ZHX2: variants seen among roughly 807,000 people sequenced by gnomAD.
The protein encoded by ZHX2 is zinc fingers and homeoboxes 2.
ZHX2 carries 6 observed loss-of-function variants against 21.9 expected under a neutral mutation model. The observed-to-expected ratio is 0.27, with a 90% confidence interval of 0.15 to 0.54. ZHX2 has a LOEUF of 0.54. Ranked by LOEUF, ZHX2 falls within the 20% of genes least tolerant of loss-of-function variation. The probability of loss-of-function intolerance (pLI) is 0.95; values close to 1 mark genes in which losing one functional copy is unlikely to be tolerated. For synonymous variants in ZHX2, 434 were observed against 437.1 expected, an observed-to-expected ratio of 0.99 and a Z score of 0.09; for missense variants, 908 against 1,090.7, an observed-to-expected ratio of 0.83 and a Z score of 2.36.
chr8:122,874,440 T>C (rs1000232647), intron 2 of ZHX2, among the ~76,000 whole-genome samples: 9 of 152,118 alleles, frequency 5.9e-5, no homozygotes, highest in Admixed American at 5.9e-4. Context: ...TTCAAGCAAT[T>C]CTCCTGCCTC....
chr8:122,932,842 C>T (rs954677230), intron 2 of ZHX2, among the ~76,000 whole-genome samples: 15 of 152,024 alleles, frequency 9.9e-5, no homozygotes, highest in Admixed American at 8.5e-4. Flanking sequence ...ATTTTTCAGC[C>T]TACCACACCC....
chr8:122,830,254 G>A (rs4871311), intron 1 of ZHX2, among the ~76,000 whole-genome samples: 15,853 of 152,194 alleles, frequency 0.1, 1,094 homozygotes, highest in East Asian at 0.21. Context: ...TAACTGCTAC[G>A]TTGTACCCAG....
At chr8:122,852,881 C>T (rs1029299858) in intron 1 of ZHX2, among the ~76,000 whole-genome samples, 2 of 151,940 alleles carry the variant, frequency 1.3e-5, no homozygotes, top group African/African-American at 4.8e-5. Flanking sequence ...TGCATGTGTC[C>T]CCTCATTCAC....
At chr8:122,931,012 A>G (rs1586397984) in intron 2 of ZHX2, among the ~76,000 whole-genome samples, 5 of 152,030 alleles carry the variant, frequency 3.3e-5, no homozygotes, top group Admixed American at 2.6e-4. Flanking sequence ...CCAGGTCCAG[A>G]TAGGGCACGT....
intron 3 of ZHX2, among the ~76,000 whole-genome samples, chr8:122,968,323 G>C (rs1293229860): frequency 6.6e-6 from 1 of 152,084 alleles, no homozygotes; most frequent in East Asian, 1.9e-4. Context: ...CAACCCTAGA[G>C]GCCCTTCAAA....
At chr8:122,824,071 T>C (rs144945321) in intron 1 of ZHX2, among the ~76,000 whole-genome samples, 21 of 152,326 alleles carry the variant, frequency 1.4e-4, no homozygotes, top group Admixed American at 1.2e-3. Flanking sequence ...GAGCTCAATA[T>C]TTTTTCAGAC....
At chr8:122,888,206 A>C (rs949379044) in intron 2 of ZHX2, among the ~76,000 whole-genome samples, 1 of 152,016 alleles carries the variant, frequency 6.6e-6, no homozygotes, top group African/African-American at 2.4e-5. Flanking sequence ...CAGAGCCTGC[A>C]GAGTTCAGAG....
chr8:122,970,187 A>C (rs1394814696), intron 3 of ZHX2, among the ~76,000 whole-genome samples: 2 of 152,202 alleles, frequency 1.3e-5, no homozygotes, highest in Non-Finnish European at 2.9e-5. Context: ...ACCAGGTAAT[A>C]GGACTCTGAG....
intron 1 of ZHX2, among the ~76,000 whole-genome samples, chr8:122,836,757 C>T (rs1048702071): frequency 3.3e-5 from 5 of 152,230 alleles, no homozygotes; most frequent in African/African-American, 1.2e-4. Flanking sequence ...CCTGCTTCTG[C>T]TATTTTGCTG....
chr8:122,808,679 G>A (rs1563737395), intron 1 of ZHX2: 1 of 152,184 alleles, frequency 6.6e-6, no homozygotes, highest in Admixed American at 6.6e-5. Flanking sequence ...AGCGTTCAAA[G>A]CACAATGGTT....
intron 2 of ZHX2, among the ~76,000 whole-genome samples, chr8:122,927,392 G>A (rs1820884398): frequency 6.6e-6 from 1 of 152,200 alleles, no homozygotes; most frequent in South Asian, 2.1e-4. Flanking sequence ...ATACTTGGGA[G>A]GCCGAGGCAG....
intron 1 of ZHX2, among the ~76,000 whole-genome samples, chr8:122,786,702 A>G (rs1371919007): frequency 6.6e-6 from 1 of 151,960 alleles, no homozygotes; most frequent in African/African-American, 2.4e-5. Context: ...TCTCATTGCC[A>G]TTCCCCTTCT....
At chr8:122,910,626 T>C (rs964364240) in intron 2 of ZHX2, among the ~76,000 whole-genome samples, 13 of 152,252 alleles carry the variant, frequency 8.5e-5, no homozygotes, top group African/African-American at 3.1e-4. Context: ...CGTACTTTAA[T>C]GTCATACTCC....
intron 2 of ZHX2, among the ~76,000 whole-genome samples, chr8:122,903,838 T>C (rs950516670): frequency 2.0e-5 from 3 of 152,052 alleles, no homozygotes; most frequent in African/African-American, 7.2e-5. Flanking sequence ...GGGGCTTCAG[T>C]AGGACTGGAA....
chr8:122,953,611 G>A lies in ZHX2; in HGVS notation c.2101G>A (p.Asp701Asn), dbSNP rs541431529. 2 of 1,614,218 alleles carry A rather than the reference G, an allele frequency of 1.2e-6. No homozygotes were observed. Among genetic ancestry groups the A allele is most frequent in the East Asian group, 2.2e-5 (1 of 44,884 alleles). Reference protein sequence around the residue: ...MEQYQHQPMADDHGYDAVARK... With the variant: ...MEQYQHQPMANDHGYDAVARK... The stretch of plus-strand genomic sequence containing the variant: ...GCAGTACCAGCACCAGCCCATGGCA[G>A]ATGATCACGGCTACGATGCCGTAGC... The change falls in exon 3 of 4, where the codon GAT (aspartate) becomes AAT (asparagine). Residue 701 changes from aspartate to asparagine, a missense_variant. Transcript: ENST00000314393. This position sits in a 1 kb window ranked among gnomAD's most constrained non-coding sequence, Gnocchi z 4.6.
intron 1 of ZHX2, among the ~76,000 whole-genome samples, chr8:122,793,483 T>A (rs913842534): frequency 6.6e-6 from 1 of 152,132 alleles, no homozygotes; most frequent in South Asian, 2.1e-4. Context: ...ATTGCCGTGC[T>A]CCCCATACAT....
chr8:122,852,698 G>A (rs113623021), intron 1 of ZHX2, among the ~76,000 whole-genome samples: 5 of 152,268 alleles, frequency 3.3e-5, no homozygotes, highest in African/African-American at 7.2e-5. Context: ...AGTCATGGGC[G>A]TGAATGCAAA....
intron 2 of ZHX2, among the ~76,000 whole-genome samples, chr8:122,888,830 C>A (rs914751548): frequency 1.3e-5 from 2 of 152,204 alleles, no homozygotes; most frequent in African/African-American, 4.8e-5. Context: ...CTGTAGAACA[C>A]TAGAACTTAG....
chr8:122,905,017 C>A (rs537333699), intron 2 of ZHX2, among the ~76,000 whole-genome samples: 1 of 152,196 alleles, frequency 6.6e-6, no homozygotes, highest in East Asian at 1.9e-4. Context: ...CACTGGATGA[C>A]CTCAACATCA....
Sources: gnomAD v4.1 joint callset for allele counts (sites outside exome capture counted in the v4.1 genomes callset) on GRCh38, gnomAD v4.1.1 for gene constraint, Gnocchi (gnomAD v3.1) non-coding constraint, MANE v1.5 for transcripts, NCBI Gene and HGNC (gene_info 2026-07-23, HGNC 2026-07-21) for gene names.